LSAMP: variants seen among roughly 807,000 people sequenced by gnomAD.
LSAMP encodes the protein limbic system associated membrane protein.
Under a neutral mutation model 38.6 loss-of-function variants are expected in LSAMP, and 7 were observed. The observed-to-expected ratio is 0.18, with a 90% CI of 0.10 to 0.34. The LOEUF (loss-of-function observed/expected upper bound fraction) is 0.34. Among genes scored for constraint, LSAMP ranks in the 10% least tolerant of loss-of-function variants. The pLI, the probability that LSAMP is intolerant of heterozygous loss-of-function variation, is 1.00. For missense variants in LSAMP, 313 were observed against 420.0 expected (o/e 0.75, Z 2.23); for synonymous variants, 154 against 166.8 (o/e 0.92, Z 0.59).
At chr3:116,338,293 C>G (rs938035578) in intron 1 of LSAMP, among the ~76,000 whole-genome samples, 2 of 151,888 alleles carry the variant, frequency 1.3e-5, no homozygotes, top group African/African-American at 4.8e-5. Flanking sequence ...TTATATGGTA[C>G]CCTCTATATT....
chr3:115,951,981 T>C (rs1165520682), intron 3 of LSAMP, among the ~76,000 whole-genome samples: 3 of 152,116 alleles, frequency 2.0e-5, no homozygotes, highest in Non-Finnish European at 4.4e-5. Context: ...ACATCACTAA[T>C]TATGAGGGAA....
chr3:116,436,526 C>T (rs2049351071), intron 1 of LSAMP, among the ~76,000 whole-genome samples: 1 of 152,028 alleles, frequency 6.6e-6, no homozygotes, highest in South Asian at 2.1e-4. Context: ...AAAAAGTGGG[C>T]TAAGGATGTG....
intron 1 of LSAMP, among the ~76,000 whole-genome samples, chr3:116,236,171 T>C (rs2046463635): frequency 6.6e-6 from 1 of 152,162 alleles, no homozygotes; most frequent in South Asian, 2.1e-4. Context: ...TCATTTTATC[T>C]CCAAAATATA....
chr3:115,852,023 G>A (rs1935345999), intron 4 of LSAMP, among the ~76,000 whole-genome samples: 1 of 152,206 alleles, frequency 6.6e-6, no homozygotes, highest in Admixed American at 6.5e-5. Flanking sequence ...TCTGACCAGA[G>A]TGGCTCTAAT....
intron 3 of LSAMP, among the ~76,000 whole-genome samples, chr3:116,006,680 C>A (rs1940170304): frequency 6.6e-6 from 1 of 152,118 alleles, no homozygotes; most frequent in Non-Finnish European, 1.5e-5. Context: ...CAAATAATCA[C>A]CCCCTGCCGA....
intron 1 of LSAMP, among the ~76,000 whole-genome samples, chr3:116,187,374 T>C (rs1017032987): frequency 7.9e-5 from 12 of 152,132 alleles, no homozygotes; most frequent in African/African-American, 2.9e-4. Context: ...GTATTAGATT[T>C]CCTGAATTTT....
intron 1 of LSAMP, among the ~76,000 whole-genome samples, chr3:116,336,670 G>C (rs561870156): frequency 1.4e-4 from 21 of 152,068 alleles, no homozygotes; most frequent in African/African-American, 4.8e-4. Context: ...GGAGAAATTG[G>C]AACCCTTGGG....
chr3:116,011,723 A>AGTTTCCAC lies in LSAMP; in HGVS notation c.514+7791_514+7792insGTGGAAAC, dbSNP rs573860479. 4.6e-3 allele frequency among the ~76,000 whole-genome samples: 700 copies of AGTTTCCAC among 152,330 alleles called. 2 individuals carry two copies. The highest frequency in any genetic ancestry group is 0.016 in the African/African-American group (670 of 41,572). On this transcript the variant is annotated intron_variant, in intron 3 of 6. Coordinates refer to ENST00000490035, the MANE Select transcript of LSAMP (RefSeq NM_002338.5). ...GTGAATGAATTAGTAGTTTCCAAGG[A>AGTTTCCAC]AAATACTCAAGATAATGTGTGAAAT... is the stretch of plus-strand genomic sequence containing the variant.
At chr3:115,887,633 A>G (rs1936489484) in intron 3 of LSAMP, among the ~76,000 whole-genome samples, 1 of 151,908 alleles carries the variant, frequency 6.6e-6, no homozygotes, top group Non-Finnish European at 1.5e-5. Flanking sequence ...TGGATTAAAC[A>G]TTTTCTGAAA....
intron 1 of LSAMP, among the ~76,000 whole-genome samples, chr3:116,167,417 G>T (rs1000133108): frequency 6.6e-6 from 1 of 152,174 alleles, no homozygotes; most frequent in Non-Finnish European, 1.5e-5. Flanking sequence ...CATCCAAAAG[G>T]ATAGAGGAAA....
intron 3 of LSAMP, among the ~76,000 whole-genome samples, chr3:115,853,736 A>G (rs1935406471): frequency 6.6e-6 from 1 of 152,172 alleles, no homozygotes; most frequent in Non-Finnish European, 1.5e-5. Flanking sequence ...CTTCAACTCT[A>G]GCTAAACTGA....
chr3:116,327,510 CA>C (rs1233592251), intron 1 of LSAMP, among the ~76,000 whole-genome samples: 2 of 151,996 alleles, frequency 1.3e-5, no homozygotes, highest in African/African-American at 4.8e-5. Context: ...ATTATATGGC[CA>C]TTTCTCCTCT....
chr3:116,015,292 C>T (rs1359564346), intron 3 of LSAMP, among the ~76,000 whole-genome samples: 1 of 152,098 alleles, frequency 6.6e-6, no homozygotes, highest in Non-Finnish European at 1.5e-5. Flanking sequence ...TTCTGTGACC[C>T]TGAGCAATCC....
chr3:115,975,431 G>A (rs1392245637), intron 3 of LSAMP, among the ~76,000 whole-genome samples: 1 of 152,206 alleles, frequency 6.6e-6, no homozygotes, highest in Non-Finnish European at 1.5e-5. Flanking sequence ...CAGGGACAGA[G>A]CTTTGGGGTG....
intron 3 of LSAMP, among the ~76,000 whole-genome samples, chr3:115,962,946 G>A (rs556409720): frequency 6.6e-6 from 1 of 152,172 alleles, no homozygotes; most frequent in African/African-American, 2.4e-5. Flanking sequence ...ACTATGTTCT[G>A]AGCTACTGAG....
intron 1 of LSAMP, among the ~76,000 whole-genome samples, chr3:116,262,861 A>G (rs150670779): frequency 6.6e-6 from 1 of 152,322 alleles, no homozygotes; most frequent in East Asian, 1.9e-4. Flanking sequence ...AATTTTCTGC[A>G]CTTGGAAAGC....
At chr3:116,310,134 C>T (rs1264554384) in intron 1 of LSAMP, among the ~76,000 whole-genome samples, 1 of 152,096 alleles carries the variant, frequency 6.6e-6, no homozygotes, top group Non-Finnish European at 1.5e-5. Context: ...TATTTTAACC[C>T]TTCTGATAAG....
rs139249669 is a variant in LSAMP at position 116,098,340 on chromosome 3, A to C, written c.156-11784T>G. On this transcript the variant is annotated intron_variant, in intron 1 of 6. Transcript: ENST00000490035. ...AGGGAGAAACCCCATCTCTAGTTAA[A>C]AATTCAAAATTAGCCGGGCGTGGTG... Among the ~76,000 whole-genome samples, 626 of 152,120 alleles carry C rather than the reference A, an allele frequency of 4.1e-3. 6 individuals carry two copies. Among genetic ancestry groups the C allele is most frequent in the African/African-American group, 0.014 (600 of 41,522 alleles).
intron 3 of LSAMP, among the ~76,000 whole-genome samples, chr3:115,982,931 CTTTTTTT>C (rs11386123): frequency 1.5e-5 from 2 of 136,278 alleles, no homozygotes; most frequent in African/African-American, 5.4e-5. Flanking sequence ...CCTATGGAGA[CTTTTTTT>C]TTTTTTTTTT....
Sources: gnomAD v4.1 joint callset for allele counts (sites outside exome capture counted in the v4.1 genomes callset) on GRCh38, gnomAD v4.1.1 for gene constraint, MANE v1.5 for transcripts, NCBI Gene and HGNC (gene_info 2026-07-23, HGNC 2026-07-21) for gene names.